Variants in SHTN1 observed in about 807,000 individuals in gnomAD.
The protein encoded by SHTN1 is shootin 1, also known as shootin-1.
Under a neutral mutation model 83.1 loss-of-function variants are expected in SHTN1, and 42 were observed. The observed-to-expected ratio is 0.51, with a 90% CI of 0.39 to 0.65. The LOEUF is 0.65. Ranked by LOEUF, SHTN1 falls within the 30% of genes least tolerant of loss-of-function variation. The pLI, the probability that SHTN1 is intolerant of heterozygous loss-of-function variation, is 0.00. For synonymous variants in SHTN1, 224 were observed against 247.7 expected, an observed-to-expected ratio of 0.90 and a Z score of 0.90; for missense variants, 622 against 737.8, an observed-to-expected ratio of 0.84 and a Z score of 1.82.
At chr10:116,910,406 A>G (rs1391657421) in intron 14 of SHTN1, among the ~76,000 whole-genome samples, 1 of 152,232 alleles carries the variant, frequency 6.6e-6, no homozygotes, top group East Asian at 1.9e-4. Context: ...TTTATAACTT[A>G]TAAATTATTT....
At chr10:117,068,293 G>A (rs1426100604) in intron 1 of SHTN1, among the ~76,000 whole-genome samples, 2 of 152,156 alleles carry the variant, frequency 1.3e-5, no homozygotes, top group East Asian at 1.9e-4. Context: ...AGAAGGTTGA[G>A]GCAGGAGAAT....
intron 1 of SHTN1, among the ~76,000 whole-genome samples, chr10:117,095,298 G>A (rs904938594): frequency 6.6e-6 from 1 of 152,214 alleles, no homozygotes; most frequent in Non-Finnish European, 1.5e-5. Flanking sequence ...GATAACTGCT[G>A]AAGTGTGAAA....
chr10:117,036,102 G>A (rs181637360), intron 2 of SHTN1, among the ~76,000 whole-genome samples: 1 of 152,182 alleles, frequency 6.6e-6, no homozygotes, highest in East Asian at 1.9e-4. Context: ...CTTAACCACA[G>A]TTAAAATGGC....
chr10:116,966,648 T>C (rs1363105719), intron 3 of SHTN1, among the ~76,000 whole-genome samples: 3 of 152,222 alleles, frequency 2.0e-5, no homozygotes, highest in Non-Finnish European at 2.9e-5. Context: ...AAGGTTGATT[T>C]TGGGGGAATG....
intron 2 of SHTN1, among the ~76,000 whole-genome samples, chr10:116,971,675 T>C (rs1005390334): frequency 6.6e-6 from 1 of 152,198 alleles, no homozygotes; most frequent in Admixed American, 6.5e-5. Context: ...TCCTGAGTCA[T>C]GATTGCCAAG....
At chr10:117,115,280 C>T (rs1853830153) in intron 1 of SHTN1, among the ~76,000 whole-genome samples, 2 of 151,988 alleles carry the variant, frequency 1.3e-5, no homozygotes, top group Non-Finnish European at 2.9e-5. Flanking sequence ...TACCTTTGAG[C>T]CTCACTTAGA....
At chr10:116,918,326 AT>A (rs1199936120) in intron 12 of SHTN1, among the ~76,000 whole-genome samples, 35 of 150,854 alleles carry the variant, frequency 2.3e-4, no homozygotes, top group African/African-American at 7.3e-4. Context: ...TTAGTTCCTT[AT>A]AAAAAAAAAA....
At chr10:116,960,587 T>C (rs772970866) in intron 3 of SHTN1, among the ~76,000 whole-genome samples, 43 of 152,128 alleles carry the variant, frequency 2.8e-4, no homozygotes, top group Non-Finnish European at 5.3e-4. Context: ...TAAAGAGGAG[T>C]GACAGCATGA....
At chr10:117,025,492 G>T (rs1044264801) in intron 2 of SHTN1, among the ~76,000 whole-genome samples, 2 of 152,174 alleles carry the variant, frequency 1.3e-5, no homozygotes, top group Non-Finnish European at 2.9e-5. Context: ...CCTCCTAAGT[G>T]AGTCCTAGTG....
chr10:116,952,158 A>T (rs1849803308), intron 5 of SHTN1, 152 bp from the exon 6 acceptor site: 2 of 409,746 alleles, frequency 4.9e-6, no homozygotes, highest in South Asian at 1.9e-4. Flanking sequence ...AAGGACAATG[A>T]GAATCTCATT....
chr10:116,993,939 G>T (rs891707866), intron 1 of SHTN1, among the ~76,000 whole-genome samples: 1 of 151,918 alleles, frequency 6.6e-6, no homozygotes, highest in Non-Finnish European at 1.5e-5. Context: ...TCTACTTTTG[G>T]CTTCTCACTG....
At position 116,929,920 on chromosome 10, in the gene SHTN1, T is replaced by C; in HGVS notation, c.941A>G (p.Glu314Gly). 1 of 1,609,666 alleles carries C rather than the reference T, an allele frequency of 6.2e-7. No homozygotes were observed. The highest frequency in any genetic ancestry group is 1.7e-5 in the Admixed American group (1 of 59,684). The change falls in exon 10 of 17, where the codon GAG becomes GGG. Residue 314 changes from glutamate (E) to glycine (G), a missense_variant. Around this residue, in one of 3 missense-constraint regions of SHTN1, gnomAD observed 383 missense variants for 455.8 expected, o/e 0.84. Transcript: ENST00000355371. The part of the protein sequence containing the change: ...HNLKQQLELL[E>G]EDKKELELKY... ...CAATTCCAATTCCTTTTTATCTTCC[T>C]CTAGAAGCTCCAGTTGCTGTTTGAG...
chr10:116,943,491 A>G (rs1178654270), intron 8 of SHTN1, among the ~76,000 whole-genome samples: 1 of 152,132 alleles, frequency 6.6e-6, no homozygotes, highest in Admixed American at 6.6e-5. Flanking sequence ...ATTTCACTGC[A>G]TTATTTATAT....
chr10:117,087,166 T>C (rs972059375), intron 1 of SHTN1, among the ~76,000 whole-genome samples: 1 of 133,634 alleles, frequency 7.5e-6, no homozygotes, highest in Non-Finnish European at 1.6e-5. Flanking sequence ...GTTTAGTTGT[T>C]TGGAGTGACG....
chr10:117,046,049 T>C (rs961972909), intron 2 of SHTN1, among the ~76,000 whole-genome samples: 4 of 152,110 alleles, frequency 2.6e-5, no homozygotes, highest in South Asian at 2.1e-4. Flanking sequence ...TGCTTTATAA[T>C]TGGAACACCA....
Position 117,095,931 on chromosome 10 carries a change from A to G in SHTN1, c.-189+30376T>C, listed in dbSNP as rs776650131. 2.7e-4 allele frequency among the ~76,000 whole-genome samples: 41 copies of G among 152,308 alleles called. 1 individual carries two copies. Among genetic ancestry groups the G allele is most frequent in the Non-Finnish European group, 2.2e-4 (15 of 68,024 alleles). On this transcript the variant is annotated intron_variant, in intron 1 of 17. Transcript: ENST00000392901. ...AGGTTCAGTATCAAATGGATTGAAAACACCTCTATTTTGCCCTTGAGCTTT... is the reference window on the plus strand; with the variant it reads ...AGGTTCAGTATCAAATGGATTGAAAGCACCTCTATTTTGCCCTTGAGCTTT...
intron 16 of SHTN1, among the ~76,000 whole-genome samples, chr10:116,899,390 T>A (rs1847638864): frequency 6.6e-6 from 1 of 151,508 alleles, no homozygotes; most frequent in Non-Finnish European, 1.5e-5. Flanking sequence ...GGCAAGGGAG[T>A]AAGCCATGCA....
chr10:116,915,822 A>G (rs977739228), intron 12 of SHTN1, among the ~76,000 whole-genome samples: 1 of 152,192 alleles, frequency 6.6e-6, no homozygotes, highest in Non-Finnish European at 1.5e-5. Context: ...CTAATCCCAA[A>G]TAATCTTTGT....
intron 3 of SHTN1, among the ~76,000 whole-genome samples, chr10:116,965,225 C>T (rs1273024267): frequency 3.9e-5 from 6 of 151,976 alleles, no homozygotes; most frequent in Non-Finnish European, 7.4e-5. Flanking sequence ...TCAGCTGTTC[C>T]GTAGGCCTAG....
Sources: allele counts gnomAD v4.1 joint callset (sites outside exome capture counted in the v4.1 genomes callset), GRCh38; gene constraint gnomAD v4.1.1; regional missense constraint gnomAD v4.1.1; transcripts MANE v1.5; gene names NCBI Gene and HGNC (gene_info 2026-07-23, HGNC 2026-07-21).